Variants in AP3B1 observed in about 807,000 individuals in gnomAD.
AP3B1 encodes the protein AP-3 complex subunit beta-1.
In AP3B1, 61 loss-of-function variants were observed where a neutral mutation model predicts 132.5. The observed-to-expected ratio is 0.46, with a 90% confidence interval of 0.37 to 0.57. The LOEUF is 0.57. Ranked by LOEUF, AP3B1 falls within the 20% of genes least tolerant of loss-of-function variation. AP3B1 has a pLI of 0.00. For missense variants in AP3B1, 1,120 were observed against 1,289.4 expected (o/e 0.87, Z 2.01); for synonymous variants, 388 against 438.3 (o/e 0.89, Z 1.43).
intron 24 of AP3B1, among the ~76,000 whole-genome samples, chr5:78,024,414 G>C (rs757064000): frequency 9.2e-5 from 14 of 151,866 alleles, no homozygotes; most frequent in Non-Finnish European, 1.9e-4. Context: ...TGGGAGACAG[G>C]GTCTCAGCTC....
At chr5:78,156,674 T>C (rs1743162268) in intron 13 of AP3B1, among the ~76,000 whole-genome samples, 1 of 152,364 alleles carries the variant, frequency 6.6e-6, no homozygotes, top group Non-Finnish European at 1.5e-5. Flanking sequence ...CATAGTGTTC[T>C]ATGTCTTTGG....
At chr5:78,241,183 T>C (rs1747120021) in intron 2 of AP3B1, among the ~76,000 whole-genome samples, 1 of 151,128 alleles carries the variant, frequency 6.6e-6, no homozygotes, top group Non-Finnish European at 1.5e-5. Flanking sequence ...TAGTTTTCTC[T>C]GGCTAACTGG....
chr5:78,016,664 G>A (rs1004809461), intron 25 of AP3B1, among the ~76,000 whole-genome samples: 1 of 152,060 alleles, frequency 6.6e-6, no homozygotes, highest in African/African-American at 2.4e-5. Context: ...ACGATTAACA[G>A]TATGAAAACA....
chr5:78,000,599 CAT>C (rs1746178387), downstream of AP3B1: 1 of 151,576 alleles, frequency 6.6e-6, no homozygotes, highest in Non-Finnish European at 1.5e-5. Context: ...AAAAAACTCT[CAT>C]AATAAATAAA....
chr5:78,205,442 T>TAC (rs1008439441), intron 7 of AP3B1, among the ~76,000 whole-genome samples: 41 of 151,364 alleles, frequency 2.7e-4, no homozygotes, highest in African/African-American at 8.5e-4. Flanking sequence ...CATATATATA[T>TAC]ACACACACAC....
At chr5:78,071,367 A>G (rs1749535003) in intron 22 of AP3B1, among the ~76,000 whole-genome samples, 1 of 152,116 alleles carries the variant, frequency 6.6e-6, no homozygotes, top group Admixed American at 6.5e-5. Context: ...ATGAGAACAC[A>G]TGGACACAGG....
intron 7 of AP3B1, among the ~76,000 whole-genome samples, chr5:78,187,632 C>CA (rs1744654858): frequency 6.6e-6 from 1 of 152,104 alleles, no homozygotes; most frequent in South Asian, 2.1e-4. Flanking sequence ...TAGGAAGTAT[C>CA]AATATCATGA....
chr5:78,104,932 T>C (rs1318653208), intron 20 of AP3B1, among the ~76,000 whole-genome samples: 2 of 152,162 alleles, frequency 1.3e-5, no homozygotes, highest in Admixed American at 6.5e-5. Flanking sequence ...CTGCTACGTA[T>C]ATACAGTTGG....
rs776252237 is a variant in AP3B1, at chr5:78,294,517, A to G, written c.63T>C (p.Gly21=). 35 of 1,614,216 alleles carry G rather than the reference A, an allele frequency of 2.2e-5. No individual in the cohort carries two copies. The South Asian group carries it at 3.8e-4, about 18-fold the overall frequency. The part of the protein sequence containing the change: ...QSGGGEATEL[G]QEATSTISPS... ...GGGAAATGGTTGAGGTCGCCTCCTG[A>G]CCCAGCTCCGTCGCCTCCCCTCCTC... Residue 21 remains glycine, a synonymous_variant, in exon 1 of 27, where the codon GGT becomes GGC. Transcript: ENST00000255194.
At chr5:78,283,009 C>CA (rs1300335926) in intron 1 of AP3B1, among the ~76,000 whole-genome samples, 1 of 151,886 alleles carries the variant, frequency 6.6e-6, no homozygotes, top group Non-Finnish European at 1.5e-5. Flanking sequence ...CTCTTAAAAC[C>CA]AAAAAAGAAA....
intron 7 of AP3B1, among the ~76,000 whole-genome samples, chr5:78,209,386 A>C (rs80337832): frequency 0.015 from 2,315 of 152,244 alleles, 69 homozygotes; most frequent in African/African-American, 0.053. Flanking sequence ...TAGTCACCAC[A>C]ACCCCTTATC....
chr5:78,033,981 T>C (rs2112090880), intron 24 of AP3B1, among the ~76,000 whole-genome samples: 1 of 152,070 alleles, frequency 6.6e-6, no homozygotes, highest in African/African-American at 2.4e-5. Flanking sequence ...TCAAAAGATA[T>C]CTTCTCTGAG....
rs10059031 is a variant in AP3B1, at chr5:78,267,352, A to G, written c.204+168T>C. Among the ~76,000 whole-genome samples, 35,330 of 151,822 alleles carry G rather than the reference A, an allele frequency of 0.23. 5,053 individuals are homozygous for G. Among genetic ancestry groups the G allele is most frequent in the Non-Finnish European group, 0.32 (21,458 of 67,858 alleles). ...AAGTTTCTTGATTTTTGACACTTCAATAATGTACTTTTTTCTTTAACATTT... is the reference window on the plus strand; with the variant it reads ...AAGTTTCTTGATTTTTGACACTTCAGTAATGTACTTTTTTCTTTAACATTT... On this transcript the variant is annotated intron_variant, in intron 2 of 26. Coordinates refer to ENST00000255194, the MANE Select transcript of AP3B1 (RefSeq NM_003664.5).
intron 22 of AP3B1, among the ~76,000 whole-genome samples, chr5:78,087,208 G>A (rs1750299041): frequency 6.6e-6 from 1 of 152,028 alleles, no homozygotes; most frequent in South Asian, 2.1e-4. Context: ...TTCATTTCAG[G>A]ATCCAAAAAA....
intron 3 of AP3B1, among the ~76,000 whole-genome samples, chr5:78,228,805 A>G (rs1420834815): frequency 6.6e-6 from 1 of 152,226 alleles, no homozygotes; most frequent in Non-Finnish European, 1.5e-5. Flanking sequence ...TTATGGTAAT[A>G]CTCACATTTC....
chr5:78,068,301 C>T (rs929863510), intron 22 of AP3B1, among the ~76,000 whole-genome samples: 1 of 151,414 alleles, frequency 6.6e-6, no homozygotes, highest in East Asian at 1.9e-4. Context: ...CCAGCCTGGG[C>T]AACAAGGGCA....
intron 7 of AP3B1, among the ~76,000 whole-genome samples, chr5:78,210,290 G>A (rs1745681263): frequency 6.6e-6 from 1 of 152,052 alleles, no homozygotes; most frequent in African/African-American, 2.4e-5. Flanking sequence ...ACAGGATCTG[G>A]ATGTGGAGTT....
intron 8 of AP3B1, among the ~76,000 whole-genome samples, chr5:78,178,133 AT>A (rs1744226689): frequency 2.0e-5 from 3 of 152,202 alleles, no homozygotes; most frequent in African/African-American, 7.2e-5. Flanking sequence ...CTTTTTAAGA[AT>A]TATAAGCATG....
intron 17 of AP3B1, among the ~76,000 whole-genome samples, chr5:78,118,205 G>A (rs577050774): frequency 6.6e-6 from 1 of 152,318 alleles, no homozygotes; most frequent in East Asian, 1.9e-4. Context: ...CCAGGAGGGT[G>A]GAGCCAAGAT....
Sources: gnomAD v4.1 joint callset for allele counts (sites outside exome capture counted in the v4.1 genomes callset) on GRCh38, gnomAD v4.1.1 for gene constraint, MANE v1.5 for transcripts, NCBI Gene and HGNC (gene_info 2026-07-23, HGNC 2026-07-21) for gene names.